CHRM2: variants seen among roughly 807,000 people sequenced by gnomAD.
The protein encoded by CHRM2 is cholinergic receptor muscarinic 2.
In CHRM2, 8 loss-of-function variants were observed where a neutral mutation model predicts 25.0. The observed-to-expected ratio is 0.32, with a 90% CI of 0.19 to 0.58. CHRM2 has a LOEUF of 0.58. Ranked by LOEUF, CHRM2 falls within the 20% of genes least tolerant of loss-of-function variation. The pLI, the probability that CHRM2 is intolerant of heterozygous loss-of-function variation, is 0.88. For synonymous variants in CHRM2, 202 were observed against 205.7 expected (o/e 0.98, Z 0.15); for missense variants, 440 against 567.1 (o/e 0.78, Z 2.28).
At chr7:137,012,220 G>GA (rs1165109017) in intron 3 of CHRM2, among the ~76,000 whole-genome samples, 1 of 151,972 alleles carries the variant, frequency 6.6e-6, no homozygotes, top group African/African-American at 2.4e-5. Context: ...AATAAACAGA[G>GA]AAAATGCTGC....
At chr7:136,908,840 G>A (rs935012389) in intron 2 of CHRM2, among the ~76,000 whole-genome samples, 2 of 152,030 alleles carry the variant, frequency 1.3e-5, no homozygotes, top group African/African-American at 4.8e-5. Flanking sequence ...GATGAAATAA[G>A]TATTAGAGAA....
chr7:136,871,928 G>A (rs558869224), intron 2 of CHRM2: 1 of 152,296 alleles, frequency 6.6e-6, no homozygotes, highest in Non-Finnish European at 1.5e-5. Flanking sequence ...ATCAAAATGT[G>A]TTCCAGTTGC....
chr7:136,899,667 A>G (rs1381099211), intron 2 of CHRM2: 1 of 152,116 alleles, frequency 6.6e-6, no homozygotes. Flanking sequence ...GAAACAATGT[A>G]GCAGAAATAT....
At chr7:136,893,283 G>T (rs904430622) in intron 2 of CHRM2, among the ~76,000 whole-genome samples, 1 of 152,128 alleles carries the variant, frequency 6.6e-6, no homozygotes, top group African/African-American at 2.4e-5. Flanking sequence ...TTAGTTTGGG[G>T]AGGGGAACAG....
chr7:136,875,051 ATGTG>A (rs562725941), intron 2 of CHRM2, among the ~76,000 whole-genome samples: 151 of 150,384 alleles, frequency 1.0e-3, no homozygotes, highest in African/African-American at 3.4e-3. Context: ...TAAAAAATGC[ATGTG>A]TGTGTATGTG....
chr7:136,936,491 C>T lies in CHRM2; in HGVS notation c.-124-55696C>T, dbSNP rs1799419304. ...GTTAAATGACTAATGTAAAAATTGTCTTAAAATGAATGACATGATTGAAAC... is the reference window on the plus strand; with the variant it reads ...GTTAAATGACTAATGTAAAAATTGTTTTAAAATGAATGACATGATTGAAAC... On this transcript the variant is annotated intron_variant, in intron 2 of 3. Transcript: ENST00000680005. Among the ~76,000 whole-genome samples, 3 of 152,090 alleles carry T rather than the reference C, an allele frequency of 2.0e-5. No homozygotes were observed. In the South Asian group the frequency reaches 6.2e-4, roughly 31 times the overall value.
rs181745251 is a variant in CHRM2 at position 137,017,238 on chromosome 7, T to G, written c.*972T>G. 6.6e-6 allele frequency: 1 copy of G among 152,036 alleles called. No homozygotes were observed. The highest frequency in any genetic ancestry group is 2.4e-5 in the African/African-American group (1 of 41,512). 9.4% of individuals were successfully genotyped at this position (152,036 alleles called of 1,614,324 possible). A position where few individuals can be genotyped will look rare whatever the true frequency, so the allele number is the denominator to read the frequency against. On this transcript the variant is annotated 3_prime_UTR_variant, in exon 4 of 4. Coordinates refer to ENST00000680005, the MANE Select transcript of CHRM2 (RefSeq NM_001006630.2). ...TCAAATTAAATAATGGACTATCTAGTTGGACCAAGTTTATTAAAGTCAGGT... is the reference window on the plus strand; with the variant it reads ...TCAAATTAAATAATGGACTATCTAGGTGGACCAAGTTTATTAAAGTCAGGT...
intron 2 of CHRM2, among the ~76,000 whole-genome samples, chr7:136,903,918 A>G (rs1314934895): frequency 6.6e-6 from 1 of 151,782 alleles, no homozygotes; most frequent in Non-Finnish European, 1.5e-5. Context: ...TCATATATAT[A>G]TATTTTCTTA....
chr7:136,937,858 T>C (rs939446972), intron 2 of CHRM2, among the ~76,000 whole-genome samples: 1 of 152,194 alleles, frequency 6.6e-6, no homozygotes, highest in African/African-American at 2.4e-5. Context: ...CAAATTTTCT[T>C]TCACCACCAA....
rs1796244173 is a variant in CHRM2, at chr7:136,880,998, G to A, written c.-125+11580G>A. On this transcript the variant is annotated intron_variant, in intron 2 of 3. Coordinates refer to ENST00000680005, the MANE Select transcript of CHRM2 (RefSeq NM_001006630.2). ...CTTTGTTCATTTAACTTTTACATAAGGTCAAGTAAAGTGTATAATGAAATT... is the reference window on the plus strand; with the variant it reads ...CTTTGTTCATTTAACTTTTACATAAAGTCAAGTAAAGTGTATAATGAAATT... Among the ~76,000 whole-genome samples, 8 of 151,074 alleles carry A rather than the reference G, an allele frequency of 5.3e-5. 1 individual carries two copies. Among genetic ancestry groups the A allele is most frequent in the Admixed American group, 2.0e-4 (3 of 15,110 alleles).
chr7:136,935,881 T>C (rs944826104), intron 2 of CHRM2, among the ~76,000 whole-genome samples: 1 of 152,118 alleles, frequency 6.6e-6, no homozygotes, highest in African/African-American at 2.4e-5. Flanking sequence ...AGAAAAAACT[T>C]ACACCAAAGT....
intron 2 of CHRM2, among the ~76,000 whole-genome samples, chr7:136,964,615 C>A (rs899465349): frequency 2.0e-5 from 3 of 152,166 alleles, no homozygotes; most frequent in Non-Finnish European, 4.4e-5. Flanking sequence ...TTCCTTTGCA[C>A]ACAGGAAAAC....
chr7:136,878,012 GA>G (rs924675255), intron 2 of CHRM2, among the ~76,000 whole-genome samples: 2 of 151,812 alleles, frequency 1.3e-5, no homozygotes, highest in African/African-American at 4.8e-5. Context: ...ATTGGTAGAG[GA>G]AAAAAATACA....
chr7:137,008,143 A>G (rs2131098107), intron 3 of CHRM2, among the ~76,000 whole-genome samples: 1 of 152,252 alleles, frequency 6.6e-6, no homozygotes, highest in South Asian at 2.1e-4. Flanking sequence ...AATATATGAA[A>G]TTAAAAATGA....
At chr7:137,001,685 G>A (rs966249897) in intron 3 of CHRM2, among the ~76,000 whole-genome samples, 1 of 152,106 alleles carries the variant, frequency 6.6e-6, no homozygotes, top group African/African-American at 2.4e-5. Flanking sequence ...ATCACCAAAG[G>A]ACTAGCAATA....
chr7:136,964,757 A>G (rs1232235607), intron 2 of CHRM2, among the ~76,000 whole-genome samples: 1 of 152,186 alleles, frequency 6.6e-6, no homozygotes, highest in Non-Finnish European at 1.5e-5. Context: ...TCTCTCTGTG[A>G]CATCTGTTCA....
intron 2 of CHRM2, among the ~76,000 whole-genome samples, chr7:136,949,941 C>T (rs1272868020): frequency 6.6e-6 from 1 of 152,092 alleles, no homozygotes; most frequent in African/African-American, 2.4e-5. Flanking sequence ...TAAGACCAAA[C>T]TGTTTTCCAC....
At chr7:136,918,450 TA>T (rs1415209139) in intron 2 of CHRM2, among the ~76,000 whole-genome samples, 1 of 152,106 alleles carries the variant, frequency 6.6e-6, no homozygotes, top group Non-Finnish European at 1.5e-5. Flanking sequence ...TTCTAAGATA[TA>T]AAGTCTTTTA....
At position 136,869,336 on chromosome 7, in the gene CHRM2, C is replaced by G. The variant is rs1381891398; in HGVS notation, c.-207C>G. 1.3e-5 allele frequency: 2 copies of G among 152,370 alleles called. No homozygotes were observed. Among genetic ancestry groups the G allele is most frequent in the Non-Finnish European group, 2.9e-5 (2 of 68,172 alleles). 9.4% of individuals were successfully genotyped at this position (152,370 alleles called of 1,614,324 possible). A position where few individuals can be genotyped will look rare whatever the true frequency, so the allele number is the denominator to read the frequency against. On this transcript the variant is annotated 5_prime_UTR_variant, in exon 2 of 4. Transcript: ENST00000680005. The surrounding 1 kb of genome is among the most constrained non-coding windows in gnomAD (Gnocchi z 4.9). ...CAGCTCCAGCCCGAGCGGATCGGCC[C>G]TGAACCCACAAAGGACTCCTCGCTC...
Sources: gnomAD v4.1 joint callset for allele counts (sites outside exome capture counted in the v4.1 genomes callset) on GRCh38, gnomAD v4.1.1 for gene constraint, Gnocchi (gnomAD v3.1) non-coding constraint, MANE v1.5 for transcripts, NCBI Gene and HGNC (gene_info 2026-07-23, HGNC 2026-07-21) for gene names.